The following DDX46 variants were observed in gnomAD, a reference collection of about 807,000 sequenced individuals.
DDX46 encodes DEAD-box helicase 46.
A neutral mutation model predicts 134.9 loss-of-function variants in DDX46; 30 were observed. The ratio of observed to expected loss-of-function variants is 0.22; its 90% CI spans 0.17 to 0.30. DDX46 has a LOEUF of 0.30. Among genes scored for constraint, DDX46 ranks in the 10% least tolerant of loss-of-function variants. DDX46 has a pLI of 1.00. For synonymous variants in DDX46, 415 were observed against 404.1 expected (o/e 1.03, Z -0.32); for missense variants, 622 against 1,248.7 (o/e 0.50, Z 7.56).
chr5:134,801,620 C>G (rs951853997), intron 15 of DDX46, among the ~76,000 whole-genome samples: 2 of 152,076 alleles, frequency 1.3e-5, no homozygotes, highest in African/African-American at 4.8e-5. Context: ...AGGCTGATCT[C>G]AAACTCTTGG....
chr5:134,796,574 C>T (rs746252364), intron 15 of DDX46, among the ~76,000 whole-genome samples: 15 of 152,136 alleles, frequency 9.9e-5, no homozygotes, highest in Admixed American at 4.6e-4. Context: ...AAACACAGAC[C>T]GGGCATGGTA....
intron 15 of DDX46, among the ~76,000 whole-genome samples, chr5:134,801,924 G>C (rs1219676254): frequency 1.3e-5 from 2 of 152,040 alleles, no homozygotes; most frequent in Non-Finnish European, 2.9e-5. Context: ...ACTATATCTA[G>C]GGATGGTATT....
In DDX46 at chr5:134,783,002, C is replaced by T; in HGVS notation, c.1103C>T (p.Pro368Leu). ...ATTACAGTTAAAGGAAAAGGTTGCCCCAAACCAATTAAATCCTGGGTCCAG... is the reference window on the plus strand; with the variant it reads ...ATTACAGTTAAAGGAAAAGGTTGCCTCAAACCAATTAAATCCTGGGTCCAG... ...EGITVKGKGC[P>L]KPIKSWVQCG... The change falls in exon 9 of 23, where the codon CCC (proline) becomes CTC (leucine). Residue 368 changes from proline to leucine, a missense_variant. By Grantham distance (98) the Pro-to-Leu change is moderately conservative (BLOSUM62 -3). Around this residue, in one of 8 missense-constraint regions of DDX46, gnomAD observed 63 missense variants for 84.0 expected, o/e 0.75. Transcript: ENST00000452510. 5 of 1,613,608 alleles carry T rather than the reference C, an allele frequency of 3.1e-6. No individual in the cohort carries two copies. The highest frequency in any genetic ancestry group is 4.2e-6 in the Non-Finnish European group (5 of 1,179,768).
At chr5:134,796,192 A>G in intron 15 of DDX46, 42 bp downstream of exon 15, 1 of 1,597,880 alleles carries the variant, frequency 6.3e-7, no homozygotes, top group Admixed American at 1.7e-5. Flanking sequence ...TCTATTAAGT[A>G]CTTGCCAAGC....
In DDX46 at chr5:134,791,486, G is replaced by T. The variant is rs138844476; in HGVS notation, c.1626+934G>T. 1.2e-3 allele frequency among the ~76,000 whole-genome samples: 186 copies of T among 152,076 alleles called. 3 individuals are homozygous for T. In the East Asian group the frequency reaches 0.031, roughly 26 times the overall value. ...TGAGGCAGGAGAATGGCGTGAACCCGGGCGGCGGAGCTTGCAGTGAGCTGA... is the reference window on the plus strand; with the variant it reads ...TGAGGCAGGAGAATGGCGTGAACCCTGGCGGCGGAGCTTGCAGTGAGCTGA... On this transcript the variant is annotated intron_variant, in intron 13 of 22. Coordinates refer to ENST00000452510, the MANE Select transcript of DDX46 (RefSeq NM_001300860.2).
Position 134,781,143 on chromosome 5 carries a change from C to T in DDX46, c.776C>T (p.Pro259Leu), listed in dbSNP as rs1302838899. ...GGGGNEKKSG[P>L]TVTKVVTVVT... ...TGTTCTTTATTTTAGAAGTCTGGGC[C>T]AACGGTCACAAAAGTTGTCACTGTT... Residue 259 changes from proline to leucine, a missense_variant, in exon 7 of 23, where the codon CCA becomes CTA. Physicochemically the swap from Pro to Leu is moderately conservative, Grantham distance 98 (BLOSUM62 -3). Coordinates refer to ENST00000452510, the MANE Select transcript of DDX46 (RefSeq NM_001300860.2). 6.3e-7 allele frequency: 1 copy of T among 1,578,134 alleles called. No individual in the cohort carries two copies. The highest frequency in any genetic ancestry group is 2.3e-5 in the East Asian group (1 of 43,614).
At chr5:134,762,796 C>G (rs1371330704) in intron 1 of DDX46, among the ~76,000 whole-genome samples, 1 of 150,978 alleles carries the variant, frequency 6.6e-6, no homozygotes, top group Non-Finnish European at 1.5e-5. Flanking sequence ...GTGGCCCAAG[C>G]CTGTAATCCC....
intron 19 of DDX46, 129 bp downstream of exon 19, chr5:134,816,735 CAAT>C: frequency 1.1e-6 from 1 of 929,258 alleles, no homozygotes; most frequent in Non-Finnish European, 1.6e-6. Context: ...TTAACATTCT[CAAT>C]ACAGAATTTT....
intron 5 of DDX46, among the ~76,000 whole-genome samples, chr5:134,775,144 A>G (rs1753895547): frequency 6.6e-6 from 1 of 152,072 alleles, no homozygotes; most frequent in Non-Finnish European, 1.5e-5. Flanking sequence ...TTGAAGAGCC[A>G]GGGTCTCGAT....
At chr5:134,764,765 T>C (rs1263890249) in intron 2 of DDX46, among the ~76,000 whole-genome samples, 1 of 150,552 alleles carries the variant, frequency 6.6e-6, no homozygotes, top group Admixed American at 6.7e-5. Context: ...TTTCTTTCCT[T>C]TTTTTTTTGC....
intron 13 of DDX46, among the ~76,000 whole-genome samples, chr5:134,793,737 T>A: frequency 6.6e-6 from 1 of 152,136 alleles, no homozygotes; most frequent in East Asian, 1.9e-4. Context: ...AGTAATGTGG[T>A]AACTTGGGAA....
chr5:134,793,882 C>T (rs530703834), intron 13 of DDX46, among the ~76,000 whole-genome samples: 7 of 152,150 alleles, frequency 4.6e-5, no homozygotes, highest in Non-Finnish European at 1.0e-4. Flanking sequence ...CATGTGTTTT[C>T]TGAGCCTGTG....
chr5:134,779,279 T>A (rs982389152), intron 6 of DDX46, among the ~76,000 whole-genome samples: 1 of 151,816 alleles, frequency 6.6e-6, no homozygotes, highest in Admixed American at 6.6e-5. Context: ...CTGCACCCTG[T>A]GCCTCCCAGG....
chr5:134,768,205 G>A (rs1325592626), intron 3 of DDX46, among the ~76,000 whole-genome samples: 1 of 151,550 alleles, frequency 6.6e-6, no homozygotes, highest in African/African-American at 2.4e-5. Context: ...CGCCTCCCGG[G>A]TTCAAGTAAT....
At chr5:134,763,803 T>C in intron 1 of DDX46, 101 bp from the exon 2 acceptor site, 1 of 1,324,748 alleles carries the variant, frequency 7.5e-7, no homozygotes, top group Non-Finnish European at 1.0e-6. Flanking sequence ...GTTCTTTGAG[T>C]GTTAAATTTG....
intron 13 of DDX46, among the ~76,000 whole-genome samples, chr5:134,791,098 G>T (rs1183018483): frequency 6.6e-6 from 1 of 152,226 alleles, no homozygotes; most frequent in East Asian, 1.9e-4. Context: ...GATTACAGGC[G>T]TGAGCCACTG....
At chr5:134,820,530 T>A (rs1333046176) in intron 21 of DDX46, among the ~76,000 whole-genome samples, 1 of 152,068 alleles carries the variant, frequency 6.6e-6, no homozygotes, top group Non-Finnish European at 1.5e-5. Context: ...ACCTGGCTAA[T>A]TTTTGTATTT....
At chr5:134,815,706 CAAAAAAA>C (rs374562980) in intron 18 of DDX46, among the ~76,000 whole-genome samples, 14 of 28,698 alleles carry the variant, frequency 4.9e-4, no homozygotes, top group South Asian at 1.6e-3. Context: ...GACTCTGTCT[CAAAAAAA>C]AAAAAAAAAA....
chr5:134,788,410 C>T, intron 11 of DDX46, 103 bp from the exon 12 acceptor site: 1 of 865,690 alleles, frequency 1.2e-6, no homozygotes. Flanking sequence ...AAGCAGGAAG[C>T]TTGGAAGTCT....
Sources: allele counts gnomAD v4.1 joint callset (sites outside exome capture counted in the v4.1 genomes callset), GRCh38; gene constraint gnomAD v4.1.1; regional missense constraint gnomAD v4.1.1; transcripts MANE v1.5; gene names NCBI Gene and HGNC (gene_info 2026-07-23, HGNC 2026-07-21).